SMG1: variants seen among roughly 807,000 people sequenced by gnomAD.
SMG1 encodes the protein SMG1 nonsense mediated mRNA decay associated PI3K related kinase.
A neutral mutation model predicts 419.9 loss-of-function variants in SMG1; 22 were observed. The observed-to-expected ratio is 0.05, with a 90% confidence interval of 0.04 to 0.07. SMG1 has a LOEUF of 0.07. Among genes scored for constraint, SMG1 ranks in the 10% least tolerant of loss-of-function variants. The probability of loss-of-function intolerance (pLI) is 1.00; values close to 1 mark genes in which losing one functional copy is unlikely to be tolerated. For missense variants in SMG1, 3,185 were observed against 4,342.0 expected (o/e 0.73, Z 7.49); for synonymous variants, 1,538 against 1,553.5 (o/e 0.99, Z 0.23).
At chr16:18,836,272 A>G (rs2033566016) in intron 47 of SMG1, 60 bp from the exon 48 acceptor site, 1 of 1,591,228 alleles carries the variant, frequency 6.3e-7, no homozygotes, top group African/African-American at 1.3e-5. Context: ...TGTCACTAAA[A>G]GCAAGCACAA....
chr16:18,849,982 C>A lies in SMG1; in HGVS notation c.5428G>T (p.Gly1810Cys), dbSNP rs748034911. ...GGTGCAGTGGGTGTTGTCTCCAAGCCGTGCTCCAGATACTGCCGAAGCTCA... is the reference window on the plus strand; with the variant it reads ...GGTGCAGTGGGTGTTGTCTCCAAGCAGTGCTCCAGATACTGCCGAAGCTCA... ...AGELRQYLEH[G>C]LETTPTAPWR... Residue 1810 changes from glycine (G) to cysteine (C), a missense_variant, in exon 35 of 63, where the codon GGC becomes TGC. Transcript: ENST00000446231. The A allele has an allele frequency of 5.0e-6, 8 of 1,613,924 alleles. No individual in the cohort carries two copies. Among genetic ancestry groups the A allele is most frequent in the Non-Finnish European group, 6.8e-6 (8 of 1,179,874 alleles).
Position 18,830,410 on chromosome 16 carries a change from T to C in SMG1, c.8793-41A>G, listed in dbSNP as rs530580957. ...AGGAGTTAAAACCTTCGCTGAAAAG[T>C]AATGCCTTTGGTGGGAACATACAAA... is the stretch of plus-strand genomic sequence containing the variant. On this transcript the variant is annotated intron_variant, in intron 51 of 62. Transcript: ENST00000446231. 6.2e-6 allele frequency: 10 copies of C among 1,606,664 alleles called. No homozygotes were observed. In the East Asian group the frequency reaches 2.0e-4, roughly 32 times the overall value.
At chr16:18,881,830 G>A (rs1475976631) in intron 10 of SMG1, among the ~76,000 whole-genome samples, 1 of 151,992 alleles carries the variant, frequency 6.6e-6, no homozygotes, top group Non-Finnish European at 1.5e-5. Context: ...TGTGCTATTC[G>A]TAGTATGCTG....
intron 23 of SMG1, among the ~76,000 whole-genome samples, chr16:18,864,684 C>G (rs1247183936): frequency 2.0e-5 from 3 of 152,104 alleles, no homozygotes; most frequent in Admixed American, 1.3e-4. Context: ...GCTATGTTGG[C>G]CAGGGTGATC....
At chr16:18,895,356 G>A (rs1420994213) in intron 3 of SMG1, among the ~76,000 whole-genome samples, 4 of 152,088 alleles carry the variant, frequency 2.6e-5, no homozygotes, top group Non-Finnish European at 5.9e-5. Flanking sequence ...GCATGCACCT[G>A]TAACCCCAGC....
At chr16:18,816,273 T>G in intron 58 of SMG1, 29 bp downstream of exon 58, 4 of 1,535,212 alleles carry the variant, frequency 2.6e-6, no homozygotes, top group Non-Finnish European at 3.6e-6. Context: ...AGAGGGAGAG[T>G]AAATGTGTGT....
intron 22 of SMG1, among the ~76,000 whole-genome samples, chr16:18,867,188 G>T (rs2035558197): frequency 6.6e-6 from 1 of 152,012 alleles, no homozygotes; most frequent in African/African-American, 2.4e-5. Flanking sequence ...TATTTATTGT[G>T]AGCCCACTTT....
chr16:18,871,794 C>T (rs1210736764), intron 15 of SMG1, among the ~76,000 whole-genome samples: 1 of 151,738 alleles, frequency 6.6e-6, no homozygotes, highest in Non-Finnish European at 1.5e-5. Context: ...CAAAAATTAG[C>T]TGGGTGTGGT....
chr16:18,829,024 T>C (rs1214417691), intron 54 of SMG1, among the ~76,000 whole-genome samples: 2 of 150,644 alleles, frequency 1.3e-5, no homozygotes, highest in Admixed American at 6.6e-5. Context: ...CAATATTTAA[T>C]ACAGATCATG....
rs1780962505 is a variant in SMG1 at position 18,926,155 on chromosome 16, G to A, written c.-114C>T. ...GGCCCGGGGCTGAGGAGGAAGCCGAGAAGGAGGAGGAGGAGGAGGAGGAGG... is the reference window on the plus strand; with the variant it reads ...GGCCCGGGGCTGAGGAGGAAGCCGAAAAGGAGGAGGAGGAGGAGGAGGAGG... On this transcript the variant is annotated 5_prime_UTR_variant, in exon 1 of 63. Coordinates refer to ENST00000446231, the MANE Select transcript of SMG1 (RefSeq NM_015092.5). 3 of 840,760 alleles carry A rather than the reference G, an allele frequency of 3.6e-6. No individual in the cohort carries two copies. Among genetic ancestry groups the A allele is most frequent in the Non-Finnish European group, 5.2e-6 (3 of 582,270 alleles). 52.1% of individuals were successfully genotyped at this position (840,760 alleles called of 1,614,324 possible).
At chr16:18,847,269 T>G (rs973039075) in intron 38 of SMG1, among the ~76,000 whole-genome samples, 184 bp downstream of exon 38, 1 of 152,190 alleles carries the variant, frequency 6.6e-6, no homozygotes, top group Non-Finnish European at 1.5e-5. Context: ...GTACAGAGCT[T>G]CTTCTGCTTA....
intron 60 of SMG1, among the ~76,000 whole-genome samples, chr16:18,814,052 T>A (rs1453664359): frequency 4.1e-4 from 48 of 117,596 alleles, no homozygotes; most frequent in Admixed American, 6.6e-4. Flanking sequence ...AAAAATTAAA[T>A]TAAATTAAAA....
At chr16:18,874,423 G>A (rs999968582) in intron 13 of SMG1, among the ~76,000 whole-genome samples, 21 of 151,986 alleles carry the variant, frequency 1.4e-4, no homozygotes, top group African/African-American at 4.6e-4. Flanking sequence ...ACAGGTGTCA[G>A]CAACCGTGCC....
At chr16:18,871,324 G>C (rs568759713) in intron 16 of SMG1, 40 bp downstream of exon 16, 16 of 984,816 alleles carry the variant, frequency 1.6e-5, no homozygotes, top group Non-Finnish European at 2.3e-5. Context: ...TTTAAGGATT[G>C]ATAAACAAAA....
chr16:18,828,301 G>A (rs1486667390), intron 54 of SMG1, 133 bp from the exon 55 acceptor site: 14 of 770,028 alleles, frequency 1.8e-5, no homozygotes, highest in Non-Finnish European at 2.8e-5. Context: ...GGTAAGCAGG[G>A]AGAAGTAACA....
intron 40 of SMG1, 105 bp from the exon 41 acceptor site, chr16:18,841,899 A>G: frequency 1.1e-6 from 1 of 945,820 alleles, no homozygotes; most frequent in Non-Finnish European, 1.7e-6. Context: ...CTGACAGTCC[A>G]TGAGGCACAC....
Position 18,872,769 on chromosome 16 carries a change from C to A in SMG1, c.1891-145G>T, listed in dbSNP as rs191133919. 4.4e-4 allele frequency: 314 copies of A among 716,444 alleles called. 1 individual carries two copies. Among genetic ancestry groups the A allele is most frequent in the Non-Finnish European group, 5.7e-4 (254 of 443,304 alleles). The allele number at this position is 716,444 out of a possible 1,614,324, so 44.4% of individuals were successfully genotyped here. A position where few individuals can be genotyped will look rare whatever the true frequency, so the allele number is the denominator to read the frequency against. Reference sequence around the variant, plus strand: ...GGGATCTAGTACACTAAACCTGGGACAAACACTTTTTTATGAAGTCAGTAA... The same window carrying A: ...GGGATCTAGTACACTAAACCTGGGAAAAACACTTTTTTATGAAGTCAGTAA... On this transcript the variant is annotated intron_variant, in intron 13 of 62. Transcript: ENST00000446231.
chr16:18,910,090 G>A (rs2037731690), intron 1 of SMG1, among the ~76,000 whole-genome samples: 1 of 151,058 alleles, frequency 6.6e-6, no homozygotes, highest in African/African-American at 2.4e-5. Context: ...ATTTCAAATA[G>A]TACCAGAATC....
intron 1 of SMG1, chr16:18,925,438 G>A (rs1236940625): frequency 6.5e-6 from 1 of 153,086 alleles, no homozygotes; most frequent in Non-Finnish European, 1.5e-5. Flanking sequence ...TGAATGTTCT[G>A]CCTAGAGTCA....
Sources: gnomAD v4.1 joint callset for allele counts (sites outside exome capture counted in the v4.1 genomes callset) on GRCh38, gnomAD v4.1.1 for gene constraint, MANE v1.5 for transcripts, NCBI Gene and HGNC (gene_info 2026-07-23, HGNC 2026-07-21) for gene names.